Variants in TXNDC5 observed in about 807,000 individuals in gnomAD.
TXNDC5 encodes thioredoxin domain-containing protein 5.
A neutral mutation model predicts 52.6 loss-of-function variants in TXNDC5; 44 were observed. The ratio of observed to expected loss-of-function variants is 0.84; its 90% CI spans 0.66 to 1.08. TXNDC5 has a LOEUF of 1.08. Among genes scored for constraint, TXNDC5 ranks in the 50% least tolerant of loss-of-function variants. The pLI is 0.00. For missense variants in TXNDC5, 600 were observed against 565.5 expected, an observed-to-expected ratio of 1.06 and a Z score of -0.62; for synonymous variants, 241 against 234.4, an observed-to-expected ratio of 1.03 and a Z score of -0.26.
rs746682037 is a variant in TXNDC5 at position 7,889,832 on chromosome 6, C to T, written c.733-251G>A. Among the ~76,000 whole-genome samples, 12 of 152,106 alleles carry T rather than the reference C, an allele frequency of 7.9e-5. No individual in the cohort carries two copies. In the East Asian group the frequency reaches 1.3e-3, roughly 17 times the overall value. On this transcript the variant is annotated intron_variant, in intron 5 of 9. Coordinates refer to ENST00000379757, the MANE Select transcript of TXNDC5 (RefSeq NM_030810.5). ...GTATTAATAGCTCAGTTAAACATGC[C>T]GGTTTTTAGGAAGCAACATTTTAAC... is the stretch of plus-strand genomic sequence containing the variant.
At chr6:7,898,521 T>C (rs529838314) in intron 3 of TXNDC5, among the ~76,000 whole-genome samples, 8 of 152,230 alleles carry the variant, frequency 5.3e-5, no homozygotes, top group Non-Finnish European at 1.2e-4. Flanking sequence ...ACAGACCACC[T>C]TCAAATCAGT....
intron 3 of TXNDC5, among the ~76,000 whole-genome samples, chr6:7,897,409 T>C (rs1350403948): frequency 6.6e-6 from 1 of 152,254 alleles, no homozygotes; most frequent in Non-Finnish European, 1.5e-5. Flanking sequence ...AAAGAACTTT[T>C]TTTAAAGTTT....
intron 9 of TXNDC5, 137 bp from the exon 10 acceptor site, chr6:7,883,403 A>G: frequency 1.6e-6 from 2 of 1,265,234 alleles, no homozygotes; most frequent in Non-Finnish European, 2.2e-6. Context: ...TGTATATTCC[A>G]TTAAAACAGG....
intron 9 of TXNDC5, 83 bp from the exon 10 acceptor site, chr6:7,883,349 CCTA>C: frequency 6.3e-7 from 1 of 1,590,540 alleles, no homozygotes. Flanking sequence ...CAGATACACT[CCTA>C]CCGTTGTGGC....
At chr6:7,894,836 T>C in intron 4 of TXNDC5, 2 of 985,400 alleles carry the variant, frequency 2.0e-6, no homozygotes, top group Non-Finnish European at 2.4e-6. Flanking sequence ...CAATAAACAC[T>C]CTTAGCCAAG....
intron 2 of TXNDC5, chr6:7,899,934 T>C (rs1047440324): frequency 2.5e-5 from 8 of 325,672 alleles, no homozygotes; most frequent in South Asian, 2.3e-4. Context: ...AGCCCGCTGC[T>C]GTGACTGAGG....
intron 1 of TXNDC5, chr6:7,910,005 T>A: frequency 1.0e-6 from 1 of 986,072 alleles, no homozygotes; most frequent in Non-Finnish European, 1.2e-6. Flanking sequence ...ACATTTGGAC[T>A]CCCGGCTGCC....
intron 4 of TXNDC5, chr6:7,894,845 AGG>A (rs1274915171): frequency 1.0e-6 from 1 of 985,324 alleles, no homozygotes; most frequent in African/African-American, 1.7e-5. Context: ...CTCTTAGCCA[AGG>A]ATGCACTGTC....
chr6:7,883,044 C>T lies in TXNDC5; in HGVS notation c.*100G>A. Reference sequence around the variant, plus strand: ...CCTCACGCTTAGTATGTTCTGCTTTCTGAACAGCCACCACTGGGAACCCAG... The same window carrying T: ...CCTCACGCTTAGTATGTTCTGCTTTTTGAACAGCCACCACTGGGAACCCAG... On this transcript the variant is annotated 3_prime_UTR_variant, in exon 10 of 10. Coordinates refer to ENST00000379757, the MANE Select transcript of TXNDC5 (RefSeq NM_030810.5). 1 of 1,543,814 alleles carries T rather than the reference C, an allele frequency of 6.5e-7. No individual in the cohort carries two copies. Among genetic ancestry groups the T allele is most frequent in the Non-Finnish European group, 8.9e-7 (1 of 1,127,854 alleles).
At chr6:7,884,878 T>G (rs1193948027) in intron 8 of TXNDC5, among the ~76,000 whole-genome samples, 2 of 152,162 alleles carry the variant, frequency 1.3e-5, no homozygotes, top group African/African-American at 4.8e-5. Context: ...ACATTTTAGA[T>G]TTGATTGCTT....
Position 7,888,774 on chromosome 6 carries a change from C to G in TXNDC5, c.894G>C (p.Glu298Asp). The G allele has an allele frequency of 6.2e-7, 1 of 1,614,156 alleles. No homozygotes were observed. The change falls in exon 7 of 10, where the codon GAG becomes GAC. Residue 298 changes from glutamate (E) to aspartate (D), a missense_variant. Coordinates refer to ENST00000379757, the MANE Select transcript of TXNDC5 (RefSeq NM_030810.5). ...EYVESQLQRT[E>D]TGATETVTPS... ...GCGTGACGGTCTCCGTCGCTCCAGTCTCTGTGCGCTGCAGCTGCGACTCCA... is the reference window on the plus strand; with the variant it reads ...GCGTGACGGTCTCCGTCGCTCCAGTGTCTGTGCGCTGCAGCTGCGACTCCA...
intron 5 of TXNDC5, among the ~76,000 whole-genome samples, chr6:7,890,755 T>C (rs1418862872): frequency 1.3e-5 from 2 of 152,216 alleles, no homozygotes; most frequent in African/African-American, 4.8e-5. Flanking sequence ...ATCTGCCCCA[T>C]GCTAAGCATC....
intron 4 of TXNDC5, among the ~76,000 whole-genome samples, chr6:7,894,320 G>A (rs190715733): frequency 2.7e-5 from 4 of 150,014 alleles, no homozygotes; most frequent in Admixed American, 1.3e-4. Flanking sequence ...GGCTGATCTC[G>A]AACTCCTGGG....
At position 7,904,630 on chromosome 6, in the gene TXNDC5, C is replaced by T. The variant is rs1254718743; in HGVS notation, c.357G>A (p.Val119=). 6.2e-6 allele frequency: 10 copies of T among 1,614,108 alleles called. No homozygotes were observed. The highest frequency in any genetic ancestry group is 8.5e-6 in the Non-Finnish European group (10 of 1,180,060). The change falls in exon 2 of 10, where the codon GTG becomes GTA. Residue 119 remains valine (V), a synonymous_variant. Transcript: ENST00000379757. ...MEDAKVYVAK[V]DCTAHSDVCS... Reference sequence around the variant, plus strand: ...ACACGTCGGAGTGGGCCGTGCAGTCCACTTTAGCCACATAGACTTTGGCAT... The same window carrying T: ...ACACGTCGGAGTGGGCCGTGCAGTCTACTTTAGCCACATAGACTTTGGCAT...
chr6:7,904,526 T>C (rs1438514791), intron 2 of TXNDC5, 48 bp downstream of exon 2: 9 of 1,600,462 alleles, frequency 5.6e-6, no homozygotes, highest in African/African-American at 1.3e-5. Flanking sequence ...GGACTTTCTT[T>C]GTAGCCAGGA....
In TXNDC5 at chr6:7,883,198, T is replaced by G. The variant is rs1444763692; in HGVS notation, c.1245A>C (p.Arg415Ser). 2 of 1,614,116 alleles carry G rather than the reference T, an allele frequency of 1.2e-6. No individual in the cohort carries two copies. The highest frequency in any genetic ancestry group is 2.7e-5 in the African/African-American group (2 of 74,948). The part of the protein sequence containing the change: ...GKKVSEHSGG[R>S]DLDSLHRFVL... ...CAAAGCGGTGTAACGAGTCAAGGTC[T>G]CTGCCTCCACTGTGCTCACTGACTT... The change falls in exon 10 of 10, where the codon AGA becomes AGC. Residue 415 changes from arginine to serine, a missense_variant. Transcript: ENST00000379757.
rs377273518 is a variant in TXNDC5, at chr6:7,891,665, G to C, written c.688C>G (p.Leu230Val). 1.9e-6 allele frequency: 3 copies of C among 1,614,020 alleles called. No individual in the cohort carries two copies. The highest frequency in any genetic ancestry group is 2.5e-6 in the Non-Finnish European group (3 of 1,179,942). Residue 230 changes from leucine (L) to valine (V), a missense_variant, in exon 5 of 10, where the codon CTG (leucine) becomes GTG (valine). Leu to Val is a conservative substitution (Grantham distance 32). Coordinates refer to ENST00000379757, the MANE Select transcript of TXNDC5 (RefSeq NM_030810.5). Reference sequence around the variant, plus strand: ...TCGGAATGTTCAAGGCCCAGAGCCAGCTGCTCCCAGGTTGGAGCCAGGGCT... The same window carrying C: ...TCGGAATGTTCAAGGCCCAGAGCCACCTGCTCCCAGGTTGGAGCCAGGGCT... ...CKALAPTWEQ[L>V]ALGLEHSETV... is the part of the protein sequence containing the mutation.
chr6:7,910,042 C>T, intron 1 of TXNDC5: 1 of 986,246 alleles, frequency 1.0e-6, no homozygotes, highest in Non-Finnish European at 1.2e-6. Flanking sequence ...CCACCTTCCC[C>T]TCCCTCGGTG....
In TXNDC5 at chr6:7,882,213, C is replaced by T. The variant is rs948450654; in HGVS notation, c.*931G>A. The T allele has an allele frequency of 3.9e-5, 6 of 152,788 alleles. No individual in the cohort carries two copies. Among genetic ancestry groups the T allele is most frequent in the African/African-American group, 1.4e-4 (6 of 41,590 alleles). 9.5% of individuals were successfully genotyped at this position (152,788 alleles called of 1,614,324 possible). ...TAGAACTCTAGTTAGGGCCCTTCAGCAGGGCTGCAGAGCCTCCCTGGATAC... is the reference window on the plus strand; with the variant it reads ...TAGAACTCTAGTTAGGGCCCTTCAGTAGGGCTGCAGAGCCTCCCTGGATAC... On this transcript the variant is annotated 3_prime_UTR_variant, in exon 10 of 10. Transcript: ENST00000379757.
Sources: gnomAD v4.1 joint callset for allele counts (sites outside exome capture counted in the v4.1 genomes callset) on GRCh38, gnomAD v4.1.1 for gene constraint, MANE v1.5 for transcripts, NCBI Gene and HGNC (gene_info 2026-07-23, HGNC 2026-07-21) for gene names.